Variants in NFIL3 observed in about 807,000 individuals in gnomAD.
The protein encoded by NFIL3 is nuclear factor interleukin-3-regulated protein.
A neutral mutation model predicts 10.0 loss-of-function variants in NFIL3; 5 were observed. That is an observed-to-expected ratio of 0.50 (90% CI 0.26 to 1.06). The LOEUF (loss-of-function observed/expected upper bound fraction) is 1.06. Ranked by LOEUF, NFIL3 falls within the 50% of genes least tolerant of loss-of-function variation. The pLI, the probability that NFIL3 is intolerant of heterozygous loss-of-function variation, is 0.13. For synonymous variants in NFIL3, 202 were observed against 206.5 expected (o/e 0.98, Z 0.19); for missense variants, 436 against 547.6 (o/e 0.80, Z 2.03).
intron 1 of NFIL3, among the ~76,000 whole-genome samples, chr9:91,414,949 GT>G (rs1833623931): frequency 6.6e-6 from 1 of 152,178 alleles, no homozygotes; most frequent in Non-Finnish European, 1.5e-5. Context: ...ATATAAGAGA[GT>G]TTTGTAAACA....
chr9:91,413,741 ACT>A (rs1431728693), intron 1 of NFIL3, among the ~76,000 whole-genome samples: 1 of 152,194 alleles, frequency 6.6e-6, no homozygotes, highest in Non-Finnish European at 1.5e-5. Context: ...AGACAATTGC[ACT>A]GACCTTTCCC....
the NFIL3 span, among the ~76,000 whole-genome samples, chr9:91,439,947 C>T: frequency 1.3e-5 from 2 of 151,998 alleles, no homozygotes; most frequent in African/African-American, 4.8e-5. Context: ...TGCATTAATT[C>T]TCATCAGAGA....
At chr9:91,425,531 C>G (rs866581927), upstream of NFIL3, among the ~76,000 whole-genome samples, 8 of 152,240 alleles carry the variant, frequency 5.3e-5, no homozygotes, top group African/African-American at 1.9e-4. Context: ...CCGACACCAT[C>G]TTCCCGGTGC....
chr9:91,414,592 T>C (rs1202768206), intron 1 of NFIL3, among the ~76,000 whole-genome samples: 3 of 152,234 alleles, frequency 2.0e-5, no homozygotes, highest in Non-Finnish European at 4.4e-5. Context: ...TCTTCCTATT[T>C]GAATTTCATG....
the NFIL3 span, among the ~76,000 whole-genome samples, chr9:91,471,656 C>T: frequency 4.3e-3 from 650 of 152,176 alleles, 2 homozygotes; most frequent in African/African-American, 0.015. Context: ...AATGCTATCC[C>T]TCCCCCCAAG....
chr9:91,429,087 A>T, the NFIL3 span, among the ~76,000 whole-genome samples: 6 of 152,248 alleles, frequency 3.9e-5, no homozygotes, highest in Admixed American at 1.3e-4. Context: ...ATGTTCTAAC[A>T]AAAATCATTT....
chr9:91,413,938 C>G (rs1326895930), intron 1 of NFIL3, among the ~76,000 whole-genome samples: 2 of 151,948 alleles, frequency 1.3e-5, no homozygotes, highest in Non-Finnish European at 2.9e-5. Flanking sequence ...CTTTATTTTG[C>G]CTCACTTACT....
chr9:91,426,014 T>C (rs1390791079), upstream of NFIL3, among the ~76,000 whole-genome samples: 3 of 152,198 alleles, frequency 2.0e-5, no homozygotes, highest in Admixed American at 6.5e-5. Flanking sequence ...TCAAAGCCGT[T>C]GTAGTAAATG....
the NFIL3 span, among the ~76,000 whole-genome samples, chr9:91,437,057 C>T: frequency 6.6e-6 from 1 of 152,144 alleles, no homozygotes; most frequent in East Asian, 1.9e-4. Context: ...GTAGAGTTCA[C>T]ACTCCTATGA....
the NFIL3 span, among the ~76,000 whole-genome samples, chr9:91,435,243 C>T: frequency 2.0e-5 from 3 of 152,146 alleles, no homozygotes; most frequent in African/African-American, 7.2e-5. Context: ...GTGATAAAAA[C>T]GCTTGCTGCA....
chr9:91,422,162 T>A (rs577373406), intron 1 of NFIL3, among the ~76,000 whole-genome samples: 1 of 152,272 alleles, frequency 6.6e-6, no homozygotes, highest in East Asian at 1.9e-4. Flanking sequence ...TTTAAAAACA[T>A]AAATGGGAGC....
the NFIL3 span, among the ~76,000 whole-genome samples, chr9:91,466,644 C>T: frequency 3.4e-4 from 52 of 152,230 alleles, no homozygotes; most frequent in South Asian, 0.01. Context: ...CACCCAAGAA[C>T]GTTGCATCCT....
At chr9:91,446,509 A>G in the NFIL3 span, among the ~76,000 whole-genome samples, 1 of 152,230 alleles carries the variant, frequency 6.6e-6, no homozygotes, top group Non-Finnish European at 1.5e-5. Flanking sequence ...GTGCAATTCA[A>G]TAGCATTAAT....
chr9:91,418,764 A>C (rs1833704921), intron 1 of NFIL3, among the ~76,000 whole-genome samples: 1 of 152,182 alleles, frequency 6.6e-6, no homozygotes, highest in Non-Finnish European at 1.5e-5. Context: ...ATTAATAACA[A>C]ATGGCATCTA....
upstream of NFIL3, among the ~76,000 whole-genome samples, chr9:91,424,068 C>G (rs1833831555): frequency 2.0e-5 from 3 of 151,130 alleles, no homozygotes; most frequent in African/African-American, 7.3e-5. Flanking sequence ...GGGCCACCGC[C>G]GTCCGAGCGC....
the NFIL3 span, among the ~76,000 whole-genome samples, chr9:91,474,198 T>A: frequency 6.6e-6 from 1 of 152,070 alleles, no homozygotes; most frequent in Non-Finnish European, 1.5e-5. Flanking sequence ...TACCTATTAA[T>A]ATGATCTTAT....
the NFIL3 span, among the ~76,000 whole-genome samples, chr9:91,466,524 C>T: frequency 6.6e-6 from 1 of 152,056 alleles, no homozygotes. Context: ...CTCTCTTATC[C>T]CCTTATCATA....
chr9:91,419,766 C>T (rs1255180415), intron 1 of NFIL3, among the ~76,000 whole-genome samples: 2 of 152,216 alleles, frequency 1.3e-5, no homozygotes, highest in East Asian at 1.9e-4. Context: ...CAAAAGGCAA[C>T]GATGCCTATC....
chr9:91,467,779 A>T, the NFIL3 span, among the ~76,000 whole-genome samples: 1 of 151,804 alleles, frequency 6.6e-6, no homozygotes, highest in Admixed American at 6.6e-5. Flanking sequence ...GAGTGAGAAC[A>T]TGCGGTGTTT....
Sources: gnomAD v4.1 joint callset for allele counts (sites outside exome capture counted in the v4.1 genomes callset) on GRCh38, gnomAD v4.1.1 for gene constraint, MANE v1.5 for transcripts, NCBI Gene and HGNC (gene_info 2026-07-23, HGNC 2026-07-21) for gene names.